GALNT2: variants seen among roughly 807,000 people sequenced by gnomAD.
GALNT2 encodes the protein UDP-GalNAc:polypeptide N-acetylgalactosaminyltransferase 2.
GALNT2 carries 31 observed loss-of-function variants against 81.4 expected under a neutral mutation model. The observed-to-expected ratio is 0.38, with a 90% CI of 0.29 to 0.51. The LOEUF is 0.51. GALNT2 is among the 20% of genes least tolerant of loss of function. The pLI is 0.87. For synonymous variants in GALNT2, 303 were observed against 287.4 expected (o/e 1.05, Z -0.55); for missense variants, 629 against 765.7 (o/e 0.82, Z 2.11).
intron 1 of GALNT2, among the ~76,000 whole-genome samples, chr1:230,059,653 C>A (rs1010061948): frequency 4.6e-5 from 7 of 152,136 alleles, no homozygotes; most frequent in African/African-American, 1.7e-4. Context: ...ACTTCAGGGT[C>A]ACCATATTGC....
intron 1 of GALNT2, among the ~76,000 whole-genome samples, chr1:230,080,738 T>C (rs775019309): frequency 6.6e-6 from 1 of 152,166 alleles, no homozygotes; most frequent in Non-Finnish European, 1.5e-5. Context: ...TCCAGTTAGC[T>C]CTGTGGCCTC....
intron 1 of GALNT2, among the ~76,000 whole-genome samples, chr1:230,092,724 AC>A (rs753704190): frequency 6.6e-6 from 1 of 152,232 alleles, no homozygotes; most frequent in Non-Finnish European, 1.5e-5. Context: ...CATGGCTATT[AC>A]GTGTTTAAGC....
At chr1:230,229,818 G>T (rs77758989) in intron 3 of GALNT2, among the ~76,000 whole-genome samples, 6,747 of 152,232 alleles carry the variant, frequency 0.044, 195 homozygotes, top group Non-Finnish European at 0.065. Flanking sequence ...TGCAAACTTC[G>T]AATAGGTGCA....
At position 230,279,951 on chromosome 1, in the gene GALNT2, T is replaced by TC. The variant is rs1666392142; in HGVS notation, c.*496dup. 1 of 456,044 alleles carries TC rather than the reference T, an allele frequency of 2.2e-6. No individual in the cohort carries two copies. Among genetic ancestry groups the TC allele is most frequent in the Non-Finnish European group, 4.4e-6 (1 of 226,966 alleles). 28.2% of individuals were successfully genotyped at this position (456,044 alleles called of 1,614,324 possible). On this transcript the variant is annotated 3_prime_UTR_variant, in exon 16 of 16. Coordinates refer to ENST00000366672, the MANE Select transcript of GALNT2 (RefSeq NM_004481.5). The surrounding 1 kb of genome is among the most constrained non-coding windows in gnomAD (Gnocchi z 4.6). ...TCACGTGGCAGGTTTACGTCAATAG[T>TC]CCCTCTCTCTGCTCCTCCATTCGCA... is the stretch of plus-strand genomic sequence containing the variant.
chr1:230,261,230 A>T (rs1315169665), intron 11 of GALNT2, among the ~76,000 whole-genome samples: 1 of 152,102 alleles, frequency 6.6e-6, no homozygotes, highest in Non-Finnish European at 1.5e-5. Context: ...ATATGTTCTT[A>T]TCTGTGTTGA....
At chr1:230,123,268 C>G (rs948654287) in intron 1 of GALNT2, among the ~76,000 whole-genome samples, 1 of 152,154 alleles carries the variant, frequency 6.6e-6, no homozygotes, top group Non-Finnish European at 1.5e-5. Context: ...CGCTTGGCTC[C>G]AAGTGGTTGT....
At chr1:230,270,234 G>A (rs936837420) in intron 14 of GALNT2, among the ~76,000 whole-genome samples, 2 of 152,126 alleles carry the variant, frequency 1.3e-5, no homozygotes, top group Non-Finnish European at 2.9e-5. Context: ...AAAAATAGGA[G>A]TTGAGGAGCA....
intron 1 of GALNT2, among the ~76,000 whole-genome samples, chr1:230,129,227 A>G (rs1321414141): frequency 6.6e-6 from 1 of 152,242 alleles, no homozygotes; most frequent in Non-Finnish European, 1.5e-5. Flanking sequence ...GACTGCAGAT[A>G]TGCTGCGAAT....
chr1:230,275,658 CAT>C lies in GALNT2; in HGVS notation c.1560+1100_1560+1101del, dbSNP rs1666279195. Among the ~76,000 whole-genome samples, 1 of 150,174 alleles carries C rather than the reference CAT, an allele frequency of 6.7e-6. No individual in the cohort carries two copies. The highest frequency in any genetic ancestry group is 2.1e-4 in the South Asian group (1 of 4,774). On this transcript the variant is annotated intron_variant, in intron 15 of 15. Coordinates refer to ENST00000366672, the MANE Select transcript of GALNT2 (RefSeq NM_004481.5). This position sits in a 1 kb window ranked among gnomAD's most constrained non-coding sequence, Gnocchi z 5.5. Reference sequence around the variant, plus strand: ...ACGCCACATAGATATACAAGCACAACATATATACATGCCACATGTATACATAT... The same window carrying C: ...ACGCCACATAGATATACAAGCACAACATATACATGCCACATGTATACATAT...
chr1:230,133,463 T>C (rs1661434757), intron 1 of GALNT2, among the ~76,000 whole-genome samples: 1 of 151,628 alleles, frequency 6.6e-6, no homozygotes, highest in Admixed American at 6.6e-5. Flanking sequence ...TTTTTTTTTT[T>C]TGAGACAGAG....
intron 1 of GALNT2, among the ~76,000 whole-genome samples, chr1:230,087,736 C>T (rs1047052654): frequency 1.4e-4 from 21 of 152,132 alleles, no homozygotes; most frequent in African/African-American, 5.1e-4. Flanking sequence ...GTCATGGAGC[C>T]CTTGAATATC....
chr1:230,073,762 G>T (rs1369963877), intron 1 of GALNT2, among the ~76,000 whole-genome samples: 3 of 152,220 alleles, frequency 2.0e-5, no homozygotes, highest in Non-Finnish European at 4.4e-5. Flanking sequence ...CTGCCTGGGG[G>T]CTGGGAAATG....
chr1:230,167,120 C>G (rs1340167496), intron 1 of GALNT2, among the ~76,000 whole-genome samples: 1 of 149,228 alleles, frequency 6.7e-6, no homozygotes, highest in Admixed American at 6.7e-5. Flanking sequence ...AGATGCTCTT[C>G]AAAACAGAGT....
rs1665259907 is a variant in GALNT2, at chr1:230,243,343, C to T, written c.645C>T (p.Ala215=). Residue 215 remains alanine, a synonymous_variant, in exon 7 of 16, where the codon GCC becomes GCT. Transcript: ENST00000366672. This position sits in a 1 kb window ranked among gnomAD's most constrained non-coding sequence, Gnocchi z 4.2. ...MRSRVRGADA[A]QAKVLTFLDS... is the part of the protein sequence containing the mutation. ...CACGGGTTCGGGGGGCCGATGCTGC[C>T]CAAGCCAAGGTCCTGACCTTCCTGG... 1.2e-6 allele frequency: 2 copies of T among 1,610,626 alleles called. No homozygotes were observed. Among genetic ancestry groups the T allele is most frequent in the Non-Finnish European group, 1.7e-6 (2 of 1,179,520 alleles).
chr1:230,182,508 T>G (rs1190707553), intron 2 of GALNT2, among the ~76,000 whole-genome samples: 1 of 152,228 alleles, frequency 6.6e-6, no homozygotes, highest in Admixed American at 6.5e-5. Flanking sequence ...TAGAAGTGCG[T>G]TGTTTAGTCT....
At chr1:230,209,298 T>C (rs148369106) in intron 3 of GALNT2, among the ~76,000 whole-genome samples, 3 of 152,248 alleles carry the variant, frequency 2.0e-5, no homozygotes, top group East Asian at 3.9e-4. Context: ...AGTGACTGTA[T>C]TTGGAGACAG....
intron 2 of GALNT2, among the ~76,000 whole-genome samples, chr1:230,191,657 A>G (rs1442055363): frequency 1.3e-5 from 2 of 152,198 alleles, no homozygotes; most frequent in South Asian, 2.1e-4. Flanking sequence ...GACTACGGGT[A>G]TGTGCCACTA....
intron 6 of GALNT2, among the ~76,000 whole-genome samples, chr1:230,241,857 C>A (rs1665212070): frequency 6.6e-6 from 1 of 152,240 alleles, no homozygotes; most frequent in South Asian, 2.1e-4. Context: ...GCATGTCACA[C>A]TTGGCAGAAC....
At chr1:230,088,627 A>C (rs1659966895) in intron 1 of GALNT2, among the ~76,000 whole-genome samples, 1 of 150,446 alleles carries the variant, frequency 6.6e-6, no homozygotes, top group South Asian at 2.1e-4. Flanking sequence ...AAGCTCCGCT[A>C]CCCAGGTTCA....
Sources: gnomAD v4.1 joint callset for allele counts (sites outside exome capture counted in the v4.1 genomes callset) on GRCh38, gnomAD v4.1.1 for gene constraint, Gnocchi (gnomAD v3.1) non-coding constraint, MANE v1.5 for transcripts, NCBI Gene and HGNC (gene_info 2026-07-23, HGNC 2026-07-21) for gene names.